The following CIITA variants were observed in gnomAD, a reference collection of about 807,000 sequenced individuals.
CIITA encodes the protein MHC class II transactivator.
In CIITA, 72 loss-of-function variants were observed where a neutral mutation model predicts 115.1. The observed-to-expected ratio is 0.63, with a 90% CI of 0.52 to 0.76. The LOEUF (loss-of-function observed/expected upper bound fraction) is 0.76, where lower values mean the gene tolerates loss of function less well. Among genes scored for constraint, CIITA ranks in the 30% least tolerant of loss-of-function variants. The probability of loss-of-function intolerance (pLI) is 0.00; values close to 1 mark genes in which losing one functional copy is unlikely to be tolerated. For missense variants in CIITA, 1,617 were observed against 1,463.8 expected, an observed-to-expected ratio of 1.10 and a Z score of -1.71; for synonymous variants, 763 against 635.6, an observed-to-expected ratio of 1.20 and a Z score of -3.02.
upstream of CIITA, among the ~76,000 whole-genome samples, chr16:10,877,030 T>C (rs2035893869): frequency 6.6e-6 from 1 of 152,230 alleles, no homozygotes; most frequent in South Asian, 2.1e-4. Flanking sequence ...GAAGTGAAAT[T>C]AATTTCAGAG....
intron 8 of CIITA, 22 bp from the exon 9 acceptor site, chr16:10,903,709 C>G: frequency 6.2e-7 from 1 of 1,614,014 alleles, no homozygotes; most frequent in South Asian, 1.1e-5. Flanking sequence ...TATTCTCACA[C>G]CACTCTCCAC....
chr16:10,867,468 C>T (rs150114665), intron 1 of CIITA, among the ~76,000 whole-genome samples: 12 of 150,288 alleles, frequency 8.0e-5, no homozygotes, highest in Non-Finnish European at 1.6e-4. Flanking sequence ...GACAGAGAGA[C>T]AGGCAGAGAC....
chr16:10,900,684 G>C (rs1042895013), intron 5 of CIITA, among the ~76,000 whole-genome samples: 4 of 151,528 alleles, frequency 2.6e-5, no homozygotes, highest in African/African-American at 9.7e-5. Flanking sequence ...AGGTTGCAGT[G>C]AGCCAAGATT....
At chr16:10,904,228 T>C (rs1003439718) in intron 9 of CIITA, among the ~76,000 whole-genome samples, 2 of 152,152 alleles carry the variant, frequency 1.3e-5, no homozygotes, top group African/African-American at 4.8e-5. Context: ...ATTTTATTAT[T>C]TATTTATTGT....
chr16:10,904,614 C>A, intron 9 of CIITA, 130 bp from the exon 10 acceptor site: 1 of 889,414 alleles, frequency 1.1e-6, no homozygotes. Flanking sequence ...CAGCCTCAGG[C>A]CGCTATCTTA....
chr16:10,879,445 G>C lies in CIITA; in HGVS notation c.52+2063G>C, dbSNP rs2036188622. 6.6e-6 allele frequency among the ~76,000 whole-genome samples: 1 copy of C among 152,196 alleles called. No homozygotes were observed. The highest frequency in any genetic ancestry group is 2.4e-5 in the African/African-American group (1 of 41,440). ...GTACGCCAGACTTTGGACCAGGGCC[G>C]CCGTTCCCTGAGCTTCACTTTCCCT... On this transcript the variant is annotated intron_variant, in intron 1 of 19. Coordinates refer to ENST00000324288, the MANE Select transcript of CIITA (RefSeq NM_000246.4). This position sits in a 1 kb window ranked among gnomAD's most constrained non-coding sequence, Gnocchi z 4.3.
chr16:10,888,933 A>G (rs1596470803), intron 1 of CIITA, among the ~76,000 whole-genome samples: 1 of 152,244 alleles, frequency 6.6e-6, no homozygotes, highest in Non-Finnish European at 1.5e-5. Flanking sequence ...CTGTCTCTTC[A>G]TCTGAAAAAC....
intron 1 of CIITA, among the ~76,000 whole-genome samples, chr16:10,868,519 C>T (rs970577189): frequency 7.2e-5 from 11 of 152,312 alleles, no homozygotes; most frequent in Middle Eastern, 3.4e-3. Context: ...TAATTCTCTT[C>T]CTCCTAACAG....
chr16:10,895,456 C>A, intron 2 of CIITA, 28 bp downstream of exon 2: 1 of 1,611,486 alleles, frequency 6.2e-7, no homozygotes, highest in Non-Finnish European at 8.5e-7. Flanking sequence ...TGGTCTCTTC[C>A]GGTATCCCCC....
chr16:10,876,408 A>C (rs78189479), upstream of CIITA, among the ~76,000 whole-genome samples: 1,616 of 152,308 alleles, frequency 0.011, 39 homozygotes, highest in African/African-American at 0.036. Context: ...AAGCAGAGTG[A>C]TGTTAGATTA....
chr16:10,901,001 C>T lies in CIITA; in HGVS notation c.437-513C>T, dbSNP rs181161053. Among the ~76,000 whole-genome samples the T allele has an allele frequency of 1.3e-5, 2 of 152,258 alleles. No homozygotes were observed. Among genetic ancestry groups the T allele is most frequent in the East Asian group, 1.9e-4 (1 of 5,186 alleles). On this transcript the variant is annotated intron_variant, in intron 5 of 19. Coordinates refer to ENST00000324288, the MANE Select transcript of CIITA (RefSeq NM_000246.4). This position sits in a 1 kb window ranked among gnomAD's most constrained non-coding sequence, Gnocchi z 6.8. ...TACTTCAGCATCCTTTCTTTTAAGG[C>T]CATGCAGTGTTTCGTTGGGTAGATG...
In CIITA at chr16:10,902,026, AC is replaced by A; in HGVS notation, c.482-11del. 6.2e-7 allele frequency: 1 copy of A among 1,613,772 alleles called. No homozygotes were observed. The highest frequency in any genetic ancestry group is 8.5e-7 in the Non-Finnish European group (1 of 1,179,938). The stretch of plus-strand genomic sequence containing the variant: ...AAGCACCCAGTCTCTAACACAGCCC[AC>A]TTCCTCACAGCTGAGCCCCCCACTG... On this transcript the variant is annotated splice_polypyrimidine_tract_variant and intron_variant, in intron 6 of 19. Transcript: ENST00000324288.
At chr16:10,909,225 G>A (rs1346759570) in intron 12 of CIITA, 38 bp downstream of exon 12, 2 of 1,607,206 alleles carry the variant, frequency 1.2e-6, no homozygotes, top group Non-Finnish European at 1.7e-6. Flanking sequence ...TTCACGCCAT[G>A]CAGGTTGAGG....
At chr16:10,904,687 G>C in intron 9 of CIITA, 57 bp from the exon 10 acceptor site, 1 of 1,592,034 alleles carries the variant, frequency 6.3e-7, no homozygotes, top group Non-Finnish European at 8.6e-7. Flanking sequence ...CCAGAGGGAG[G>C]GGGGTCCCCA....
rs762402777 is a variant in CIITA, at chr16:10,922,388, G to T, written c.3234-19G>T. The T allele has an allele frequency of 6.2e-7, 1 of 1,614,182 alleles. No individual in the cohort carries two copies. Among genetic ancestry groups the T allele is most frequent in the Non-Finnish European group, 8.5e-7 (1 of 1,180,010 alleles). On this transcript the variant is annotated intron_variant, in intron 17 of 19. Transcript: ENST00000324288. Reference sequence around the variant, plus strand: ...GGGAGTCCCAAGGGCCAGGCCCCAAGGTGAGTTTCTCTTGCCAGCGTCCAG... The same window carrying T: ...GGGAGTCCCAAGGGCCAGGCCCCAATGTGAGTTTCTCTTGCCAGCGTCCAG...
In CIITA at chr16:10,886,697, T is replaced by C. The variant is rs112574489; in HGVS notation, c.53-8585T>C. ...TGTTTTATTTTTGGAGTTTACATCT[T>C]AGTACCACTTACTCGCTAAGTCACT... On this transcript the variant is annotated intron_variant, in intron 1 of 19. Transcript: ENST00000324288. Among the ~76,000 whole-genome samples the C allele has an allele frequency of 1.4e-3, 212 of 152,362 alleles. 3 individuals are homozygous for C. The highest frequency in any genetic ancestry group is 4.8e-3 in the African/African-American group (201 of 41,590).
At chr16:10,890,382 G>A (rs2037440497) in intron 1 of CIITA, among the ~76,000 whole-genome samples, 1 of 151,978 alleles carries the variant, frequency 6.6e-6, no homozygotes, top group Non-Finnish European at 1.5e-5. Flanking sequence ...ACCTCCCCAG[G>A]CTCAAGCTAT....
chr16:10,941,813 G>T lies in CIITA; in HGVS notation n.939G>T. Reference sequence around the variant, plus strand: ...AGCACGCCGAGGTCCACGAGCGCCTGGTCCATGTCCTCGGGCAGGAAGACG... The same window carrying T: ...AGCACGCCGAGGTCCACGAGCGCCTTGTCCATGTCCTCGGGCAGGAAGACG... On this transcript the variant is annotated non_coding_transcript_exon_variant, in exon 2 of 2. Transcript: ENST00000573379. This position sits in a 1 kb window ranked among gnomAD's most constrained non-coding sequence, Gnocchi z 6.4. 1.9e-6 allele frequency: 3 copies of T among 1,613,590 alleles called. No homozygotes were observed. The highest frequency in any genetic ancestry group is 2.5e-6 in the Non-Finnish European group (3 of 1,179,858).
intron 18 of CIITA, 44 bp downstream of exon 18, chr16:10,922,534 CAGG>C (rs1353437193): frequency 1.3e-6 from 2 of 1,597,670 alleles, no homozygotes; most frequent in Non-Finnish European, 1.7e-6. Context: ...ACTCACTCCC[CAGG>C]CGTGTGGCCC....
Sources: gnomAD v4.1 joint callset for allele counts (sites outside exome capture counted in the v4.1 genomes callset) on GRCh38, gnomAD v4.1.1 for gene constraint, Gnocchi (gnomAD v3.1) non-coding constraint, MANE v1.5 for transcripts, NCBI Gene and HGNC (gene_info 2026-07-23, HGNC 2026-07-21) for gene names.